The following COLEC10 variants were observed in gnomAD, a reference collection of about 807,000 sequenced individuals.
The protein encoded by COLEC10 is collectin-10.
In COLEC10, 22 loss-of-function variants were observed where a neutral mutation model predicts 28.4. The ratio of observed to expected loss-of-function variants is 0.78; its 90% CI spans 0.55 to 1.11. The LOEUF (loss-of-function observed/expected upper bound fraction) is 1.11. Among genes scored for constraint, COLEC10 ranks in the 50% least tolerant of loss-of-function variants. The pLI is 0.00. For missense variants in COLEC10, 361 were observed against 344.1 expected (o/e 1.05, Z -0.39); for synonymous variants, 125 against 116.1 (o/e 1.08, Z -0.49).
At chr8:119,031,972 T>C (rs12676015) in intron 2 of COLEC10, among the ~76,000 whole-genome samples, 6,686 of 152,276 alleles carry the variant, frequency 0.044, 214 homozygotes, top group East Asian at 0.16. Context: ...TTCACAGGCA[T>C]AATTTCATTT....
rs373434012 is a variant in COLEC10 at position 119,060,941 on chromosome 8, T to G, written n.236-28739T>G. ...AAACAGAAGCACAAGGAATTTAGAC[T>G]AAATAGTGACAATCCAAGGAACAAA... On this transcript the variant is annotated intron_variant and non_coding_transcript_variant, in intron 2 of 6. Transcript: ENST00000521788. 2.1e-3 allele frequency among the ~76,000 whole-genome samples: 314 copies of G among 152,108 alleles called. 2 individuals carry two copies. Among genetic ancestry groups the G allele is most frequent in the African/African-American group, 7.4e-3 (306 of 41,522 alleles).
the COLEC10 span, among the ~76,000 whole-genome samples, chr8:118,962,998 T>G: frequency 7.0e-4 from 107 of 152,164 alleles, no homozygotes; most frequent in African/African-American, 2.6e-3. Context: ...AATAATCTAG[T>G]TGGGGAGACA....
At chr8:119,100,319 A>G (rs1455713836) in intron 3 of COLEC10, among the ~76,000 whole-genome samples, 1 of 152,178 alleles carries the variant, frequency 6.6e-6, no homozygotes, top group Non-Finnish European at 1.5e-5. Context: ...TAGGATAAAG[A>G]TAATTATAAC....
chr8:118,981,508 GT>G, the COLEC10 span, among the ~76,000 whole-genome samples: 3 of 151,856 alleles, frequency 2.0e-5, no homozygotes, highest in East Asian at 5.8e-4. Context: ...TTTATCCTAG[GT>G]TTTTTAAAAA....
rs773978001 is a variant in COLEC10, at chr8:119,089,565, T to G, written c.149-115T>G. ...TACATCCATACTCACAGCTGGATTGTGAGGCAAGCGCTGAGCTGAGGGAAA... is the reference window on the plus strand; with the variant it reads ...TACATCCATACTCACAGCTGGATTGGGAGGCAAGCGCTGAGCTGAGGGAAA... On this transcript the variant is annotated intron_variant, in intron 1 of 5. Transcript: ENST00000332843. 5.9e-5 allele frequency: 44 copies of G among 745,758 alleles called. No homozygotes were observed. In the Admixed American group the frequency reaches 7.9e-4, roughly 13 times the overall value. 46.2% of individuals were successfully genotyped at this position (745,758 alleles called of 1,614,324 possible).
chr8:118,965,571 G>A, the COLEC10 span, among the ~76,000 whole-genome samples: 10 of 151,936 alleles, frequency 6.6e-5, no homozygotes, highest in Non-Finnish European at 1.3e-4. Flanking sequence ...AAAGGAGGTT[G>A]GGAAAGTGTG....
the COLEC10 span, among the ~76,000 whole-genome samples, chr8:118,979,287 T>C: frequency 1.3e-5 from 2 of 152,082 alleles, no homozygotes; most frequent in African/African-American, 2.4e-5. Flanking sequence ...CAAACCCTTA[T>C]GTAAACTCAG....
At chr8:118,993,703 A>C (rs1813543250), upstream of COLEC10, among the ~76,000 whole-genome samples, 1 of 152,134 alleles carries the variant, frequency 6.6e-6, no homozygotes, top group African/African-American at 2.4e-5. Context: ...TCTTCCTATA[A>C]AGACACTGGT....
the COLEC10 span, among the ~76,000 whole-genome samples, chr8:118,986,645 T>C: frequency 6.6e-6 from 1 of 152,134 alleles, no homozygotes; most frequent in Non-Finnish European, 1.5e-5. Flanking sequence ...CAAATGTCCA[T>C]AAACAGATGA....
At chr8:119,041,375 GT>G (rs2130154153) in intron 2 of COLEC10, among the ~76,000 whole-genome samples, 1 of 152,202 alleles carries the variant, frequency 6.6e-6, no homozygotes, top group South Asian at 2.1e-4. Context: ...CCTCTAGCAT[GT>G]TGATTTAGTA....
At chr8:119,009,708 G>T (rs565639246) in intron 2 of COLEC10, among the ~76,000 whole-genome samples, 1 of 150,848 alleles carries the variant, frequency 6.6e-6, no homozygotes, top group Admixed American at 6.6e-5. Flanking sequence ...TCCTTTGGGA[G>T]ACTGGGTAAA....
chr8:119,061,681 T>C (rs1374498417), intron 2 of COLEC10, among the ~76,000 whole-genome samples: 2 of 152,006 alleles, frequency 1.3e-5, no homozygotes. Flanking sequence ...GTCTCAAAAA[T>C]TTATCTGAAG....
At chr8:119,085,599 C>CTTTTTTTTTTTTTTT (rs66829005) in intron 1 of COLEC10, among the ~76,000 whole-genome samples, 115 of 63,542 alleles carry the variant, frequency 1.8e-3, no homozygotes, top group East Asian at 5.3e-3. Flanking sequence ...TCTTCTTCTT[C>CTTTTTTTTTTTTTTT]TTTTTTTTTT....
chr8:119,105,209 C>T (rs1430150275), intron 5 of COLEC10, among the ~76,000 whole-genome samples: 2 of 152,056 alleles, frequency 1.3e-5, no homozygotes, highest in Non-Finnish European at 2.9e-5. Flanking sequence ...GTCCTTAAGA[C>T]ATTCACAGGT....
At chr8:119,102,633 G>T (rs1322052207) in intron 4 of COLEC10, 5 of 423,542 alleles carry the variant, frequency 1.2e-5, no homozygotes, top group Admixed American at 4.1e-5. Flanking sequence ...CTTACTATGA[G>T]AAGAAAGCCC....
chr8:119,103,941 A>C, intron 5 of COLEC10, 46 bp downstream of exon 5: 1 of 1,202,200 alleles, frequency 8.3e-7, no homozygotes, highest in Non-Finnish European at 1.2e-6. Context: ...ATAGATCTCC[A>C]TCAACACTAC....
At chr8:119,047,124 A>G (rs1814599902) in intron 2 of COLEC10, among the ~76,000 whole-genome samples, 1 of 152,198 alleles carries the variant, frequency 6.6e-6, no homozygotes, top group South Asian at 2.1e-4. Context: ...ATATAAACCA[A>G]CAGATGTTAA....
At chr8:119,078,585 G>T (rs374742473) in intron 1 of COLEC10, among the ~76,000 whole-genome samples, 2 of 152,276 alleles carry the variant, frequency 1.3e-5, no homozygotes, top group East Asian at 3.9e-4. Context: ...GAAAATTCCA[G>T]CAGGCAGTTG....
At chr8:119,008,255 A>G (rs12681528) in intron 1 of COLEC10, among the ~76,000 whole-genome samples, 6,859 of 150,840 alleles carry the variant, frequency 0.045, 437 homozygotes, top group East Asian at 0.16. Flanking sequence ...GCAGTAAGTG[A>G]AAAGGAATGG....
Sources: gnomAD v4.1 joint callset for allele counts (sites outside exome capture counted in the v4.1 genomes callset) on GRCh38, gnomAD v4.1.1 for gene constraint, MANE v1.5 for transcripts, NCBI Gene and HGNC (gene_info 2026-07-23, HGNC 2026-07-21) for gene names.